The following KIAA1217 variants were observed in gnomAD, a reference collection of about 807,000 sequenced individuals.
KIAA1217 encodes the protein sickle tail protein homolog.
Under a neutral mutation model 163.9 loss-of-function variants are expected in KIAA1217, and 88 were observed. The ratio of observed to expected loss-of-function variants is 0.54; its 90% CI spans 0.45 to 0.64. The LOEUF (loss-of-function observed/expected upper bound fraction) is 0.64, where lower values mean the gene tolerates loss of function less well. Among genes scored for constraint, KIAA1217 ranks in the 30% least tolerant of loss-of-function variants. KIAA1217 has a pLI of 0.00. For synonymous variants in KIAA1217, 903 were observed against 923.1 expected, an observed-to-expected ratio of 0.98 and a Z score of 0.39; for missense variants, 2,372 against 2,475.0, an observed-to-expected ratio of 0.96 and a Z score of 0.88.
intron 1 of KIAA1217, 56 bp from the exon 2 acceptor site, chr10:24,219,570 A>G: frequency 1.4e-6 from 2 of 1,440,948 alleles, no homozygotes; most frequent in Non-Finnish European, 1.9e-6. Flanking sequence ...GTGTTCTGCA[A>G]ATGAGACTTC....
rs183901620 is a variant in KIAA1217 at position 23,814,259 on chromosome 10, C to T, written c.-321+119025C>T. ...TTATGGGAGGAATGAGTGGATCATTCTGCTCCTATATCTGGGTAATCTCCT... is the reference window on the plus strand; with the variant it reads ...TTATGGGAGGAATGAGTGGATCATTTTGCTCCTATATCTGGGTAATCTCCT... On this transcript the variant is annotated intron_variant, in intron 1 of 18. Coordinates refer to the KIAA1217 transcript ENST00000376462. Among the ~76,000 whole-genome samples the T allele has an allele frequency of 7.4e-4, 113 of 152,246 alleles. 2 individuals are homozygous for T. The highest frequency in any genetic ancestry group is 3.4e-3 in the Admixed American group (52 of 15,284).
chr10:23,762,823 A>G lies in KIAA1217; in HGVS notation c.-321+67589A>G, dbSNP rs553758845. 2.0e-5 allele frequency among the ~76,000 whole-genome samples: 3 copies of G among 152,318 alleles called. No homozygotes were observed. In the East Asian group the frequency reaches 5.8e-4, roughly 29 times the overall value. ...ATTCAAATAGGAAGAGAGGAAGTCA[A>G]ATTATCTCTGTTTGCAGATGACATG... On this transcript the variant is annotated intron_variant, in intron 1 of 18. Coordinates refer to the KIAA1217 transcript ENST00000376462.
chr10:23,804,621 T>A (rs1202203821), intron 1 of KIAA1217, among the ~76,000 whole-genome samples: 1 of 152,210 alleles, frequency 6.6e-6, no homozygotes, highest in African/African-American at 2.4e-5. Flanking sequence ...TCTGAATTAC[T>A]TTTTCAGTGC....
chr10:24,406,023 C>T (rs576474767), intron 3 of KIAA1217, among the ~76,000 whole-genome samples: 1 of 152,300 alleles, frequency 6.6e-6, no homozygotes, highest in South Asian at 2.1e-4. Context: ...TATTTGATTT[C>T]ATTGACCAAA....
In KIAA1217 at chr10:24,545,988, ACCAT is replaced by A; in HGVS notation, c.5498_5501del (p.Pro1833ArgfsTer29). 1 of 1,614,038 alleles carries A rather than the reference ACCAT, an allele frequency of 6.2e-7. No homozygotes were observed. The highest frequency in any genetic ancestry group is 2.2e-5 in the East Asian group (1 of 44,868). ...ACCTCCCTAATCCACCTGCTACTAA[ACCAT>A]CGATTGCTTCTAACCCTCTCAGCCC... On this transcript the variant is annotated frameshift_variant, in exon 21 of 21. Coordinates refer to ENST00000376454, the MANE Select transcript of KIAA1217 (RefSeq NM_019590.5). LOFTEE classifies it high-confidence loss of function.
At chr10:24,501,688 T>C in intron 9 of KIAA1217, 143 bp downstream of exon 9, 1 of 431,646 alleles carries the variant, frequency 2.3e-6, no homozygotes, top group East Asian at 4.6e-5. Flanking sequence ...AATCCAAGTC[T>C]AGAGCCTTCC....
chr10:24,243,426 C>T (rs1451656262), intron 2 of KIAA1217, among the ~76,000 whole-genome samples: 2 of 152,030 alleles, frequency 1.3e-5, no homozygotes, highest in Non-Finnish European at 2.9e-5. Context: ...CCCACCCTCC[C>T]TCCTTTTGCA....
At chr10:24,331,982 G>A (rs1338399527) in intron 2 of KIAA1217, among the ~76,000 whole-genome samples, 1 of 152,198 alleles carries the variant, frequency 6.6e-6, no homozygotes, top group Non-Finnish European at 1.5e-5. Context: ...TGCATTTTTA[G>A]TAGAGACGGG....
At chr10:24,035,999 C>T (rs137865087) in intron 2 of KIAA1217, among the ~76,000 whole-genome samples, 1 of 152,300 alleles carries the variant, frequency 6.6e-6, no homozygotes, top group East Asian at 1.9e-4. Flanking sequence ...AACAGAAGTG[C>T]GCATTACCAG....
intron 1 of KIAA1217, among the ~76,000 whole-genome samples, chr10:23,802,638 G>A (rs1034288): frequency 0.19 from 28,812 of 152,162 alleles, 2,854 homozygotes; most frequent in Middle Eastern, 0.27. Context: ...AGAAATGCCA[G>A]TTATCTTTTG....
chr10:23,829,112 G>C (rs1467154478), intron 1 of KIAA1217, among the ~76,000 whole-genome samples: 1 of 152,110 alleles, frequency 6.6e-6, no homozygotes, highest in Non-Finnish European at 1.5e-5. Context: ...TATTCAATTT[G>C]GCAGGAATCA....
intron 4 of KIAA1217, among the ~76,000 whole-genome samples, chr10:24,436,187 ACT>A (rs2060005590): frequency 6.6e-6 from 1 of 150,878 alleles, no homozygotes; most frequent in South Asian, 2.1e-4. Flanking sequence ...TTTTTAAAAA[ACT>A]CTCATTTAAA....
chr10:23,811,564 G>A (rs1837055489), intron 1 of KIAA1217, among the ~76,000 whole-genome samples: 1 of 151,930 alleles, frequency 6.6e-6, no homozygotes, highest in Admixed American at 6.6e-5. Flanking sequence ...TTTTAAAAAA[G>A]GGAGGAAAGC....
intron 1 of KIAA1217, among the ~76,000 whole-genome samples, chr10:23,880,613 G>T (rs766421481): frequency 6.6e-6 from 1 of 151,974 alleles, no homozygotes; most frequent in Non-Finnish European, 1.5e-5. Flanking sequence ...TAGCTGGATT[G>T]TTTGAAATGC....
At chr10:24,058,648 A>G (rs1011822281) in intron 2 of KIAA1217, among the ~76,000 whole-genome samples, 5 of 152,122 alleles carry the variant, frequency 3.3e-5, no homozygotes, top group African/African-American at 1.2e-4. Flanking sequence ...TTTGGATGCT[A>G]TTGTAAATGG....
At chr10:24,265,028 T>G (rs1253440510) in intron 2 of KIAA1217, among the ~76,000 whole-genome samples, 1 of 151,982 alleles carries the variant, frequency 6.6e-6, no homozygotes, top group Non-Finnish European at 1.5e-5. Flanking sequence ...CTGCTAAATT[T>G]TTGTTGTTGT....
intron 1 of KIAA1217, among the ~76,000 whole-genome samples, chr10:23,841,122 G>A (rs1838758730): frequency 6.6e-6 from 1 of 152,176 alleles, no homozygotes; most frequent in African/African-American, 2.4e-5. Context: ...ATCAGCATAT[G>A]GTAAGCACTA....
intron 2 of KIAA1217, among the ~76,000 whole-genome samples, chr10:24,304,492 A>G (rs1365257376): frequency 6.6e-6 from 1 of 151,990 alleles, no homozygotes; most frequent in Non-Finnish European, 1.5e-5. Flanking sequence ...AGCATGTACC[A>G]CCACATCCAA....
chr10:24,344,196 AATAAG>A (rs1418303620), intron 2 of KIAA1217, among the ~76,000 whole-genome samples: 1 of 152,264 alleles, frequency 6.6e-6, no homozygotes, highest in Admixed American at 6.5e-5. Flanking sequence ...ATTTTAAATA[AATAAG>A]ATAATGTTAA....
Sources: allele counts gnomAD v4.1 joint callset (sites outside exome capture counted in the v4.1 genomes callset), GRCh38; gene constraint gnomAD v4.1.1; transcripts MANE v1.5; gene names NCBI Gene and HGNC (gene_info 2026-07-23, HGNC 2026-07-21).